Variants in TENM3 observed in about 807,000 individuals in gnomAD.
TENM3 encodes teneurin-3.
TENM3 carries 63 observed loss-of-function variants against 255.1 expected under a neutral mutation model. That is an observed-to-expected ratio of 0.25 (90% CI 0.20 to 0.30). The LOEUF (loss-of-function observed/expected upper bound fraction) is 0.30. Among genes scored for constraint, TENM3 ranks in the 10% least tolerant of loss-of-function variants. The pLI, the probability that TENM3 is intolerant of heterozygous loss-of-function variation, is 1.00. For synonymous variants in TENM3, 1,306 were observed against 1,322.3 expected, an observed-to-expected ratio of 0.99 and a Z score of 0.27; for missense variants, 2,929 against 3,461.1, an observed-to-expected ratio of 0.85 and a Z score of 3.86.
At chr4:182,689,374 T>G (rs1371049113) in intron 12 of TENM3, among the ~76,000 whole-genome samples, 1 of 152,194 alleles carries the variant, frequency 6.6e-6, no homozygotes, top group Non-Finnish European at 1.5e-5. Flanking sequence ...CCGGGAACTT[T>G]GTCATGGGAA....
At chr4:181,448,154 A>ATTTTTTTTTTTTTTTTTTTTTT in the TENM3 span, among the ~76,000 whole-genome samples, 1 of 90,124 alleles carries the variant, frequency 1.1e-5, no homozygotes, top group African/African-American at 4.8e-5. Context: ...AAATCCAGTA[A>ATTTTTTTTTTTTTTTTTTTTTT]TTTTTTTTTT....
At chr4:182,732,116 A>G (rs1192560487) in intron 16 of TENM3, among the ~76,000 whole-genome samples, 4 of 152,280 alleles carry the variant, frequency 2.6e-5, no homozygotes, top group African/African-American at 9.6e-5. Flanking sequence ...CTCAAACAAA[A>G]TACTTTTTCT....
At chr4:181,675,156 A>T in the TENM3 span, among the ~76,000 whole-genome samples, 6 of 152,172 alleles carry the variant, frequency 3.9e-5, no homozygotes, top group African/African-American at 1.4e-4. Flanking sequence ...TCTCAGAAAT[A>T]TTATCAAATC....
At chr4:181,757,565 A>G in the TENM3 span, among the ~76,000 whole-genome samples, 7 of 152,192 alleles carry the variant, frequency 4.6e-5, no homozygotes, top group Non-Finnish European at 1.0e-4. Flanking sequence ...AAGAAAGCTC[A>G]TCTGAAAGTC....
intron 24 of TENM3, among the ~76,000 whole-genome samples, chr4:182,788,383 C>T (rs17074066): frequency 0.13 from 19,661 of 152,176 alleles, 1,589 homozygotes; most frequent in East Asian, 0.26. Flanking sequence ...CAGATTTAGT[C>T]CAAGGCTCTG....
the TENM3 span, among the ~76,000 whole-genome samples, chr4:181,847,831 A>G: frequency 6.6e-6 from 1 of 152,136 alleles, no homozygotes; most frequent in Admixed American, 6.6e-5. Context: ...ATTATTTATA[A>G]ATAACTTGAA....
chr4:181,823,137 T>A, the TENM3 span, among the ~76,000 whole-genome samples: 8 of 152,220 alleles, frequency 5.3e-5, no homozygotes, highest in African/African-American at 1.9e-4. Flanking sequence ...TGCTAAATGC[T>A]TCCATTGGAA....
the TENM3 span, among the ~76,000 whole-genome samples, chr4:182,075,361 G>T: frequency 5.7e-4 from 86 of 152,064 alleles, no homozygotes; most frequent in Non-Finnish European, 1.0e-3. Flanking sequence ...ACCACACCCT[G>T]CTAATTTTTT....
intron 2 of TENM3, among the ~76,000 whole-genome samples, chr4:182,341,344 C>G (rs914621335): frequency 1.3e-5 from 2 of 151,720 alleles, no homozygotes; most frequent in African/African-American, 4.8e-5. Context: ...TCTAAATGAC[C>G]CATTATAACA....
intron 3 of TENM3, among the ~76,000 whole-genome samples, chr4:182,476,989 A>T (rs906775634): frequency 6.6e-6 from 1 of 152,246 alleles, no homozygotes; most frequent in Admixed American, 6.5e-5. Context: ...GCCAGAGGAC[A>T]GCCGCTATCT....
At chr4:182,479,740 A>G (rs927949249) in intron 3 of TENM3, among the ~76,000 whole-genome samples, 4 of 152,004 alleles carry the variant, frequency 2.6e-5, no homozygotes, top group East Asian at 1.9e-4. Context: ...TTTCCATTCT[A>G]TGGAGAATTC....
At chr4:181,849,949 T>TCTCTCTCACA in the TENM3 span, among the ~76,000 whole-genome samples, 1,413 of 65,956 alleles carry the variant, frequency 0.021, 31 homozygotes, top group Non-Finnish European at 0.03. Flanking sequence ...TCTCTCTCTC[T>TCTCTCTCACA]CACACACACA....
At position 182,299,093 on chromosome 4, in the gene TENM3, C is replaced by A. The variant is rs1432028952; in HGVS notation, c.-75-24853C>A. 5.4e-5 allele frequency among the ~76,000 whole-genome samples: 8 copies of A among 147,562 alleles called. No individual in the cohort carries two copies. In the Admixed American group the frequency reaches 5.4e-4, roughly 10 times the overall value. On this transcript the variant is annotated intron_variant, in intron 1 of 27. Transcript: ENST00000511685. ...CAGAGGTAGGAGAGTTGTGAAACCA[C>A]TGGCTGGGGCTTACTGAGGACTGAA...
At chr4:181,451,112 T>C in the TENM3 span, among the ~76,000 whole-genome samples, 1 of 152,090 alleles carries the variant, frequency 6.6e-6, no homozygotes, top group East Asian at 1.9e-4. Context: ...ACCATCATTA[T>C]AGAGGGTAGG....
intron 1 of TENM3, among the ~76,000 whole-genome samples, chr4:182,321,233 G>A (rs1914049): frequency 0.17 from 25,764 of 152,056 alleles, 2,381 homozygotes; most frequent in Middle Eastern, 0.24. Context: ...CTGACTAAAT[G>A]TATGCCCCAT....
chr4:182,150,282 A>G (rs1231648315), intron 1 of TENM3, among the ~76,000 whole-genome samples: 1 of 151,870 alleles, frequency 6.6e-6, no homozygotes, highest in Non-Finnish European at 1.5e-5. Context: ...AGGAAATTGA[A>G]TATCTTTTAT....
intron 6 of TENM3, 118 bp downstream of exon 6, chr4:182,654,011 A>G: frequency 1.1e-6 from 1 of 942,544 alleles, no homozygotes; most frequent in Admixed American, 3.7e-5. Context: ...TCGAAATTAC[A>G]GATATCATCT....
chr4:182,770,197 G>A (rs1005143555), intron 22 of TENM3, among the ~76,000 whole-genome samples: 9 of 151,670 alleles, frequency 5.9e-5, no homozygotes, highest in Non-Finnish European at 1.2e-4. Flanking sequence ...CTTATGAAAC[G>A]ATGGGAGTAA....
At chr4:182,389,691 CTT>C (rs3072378) in intron 3 of TENM3, among the ~76,000 whole-genome samples, 4 of 133,194 alleles carry the variant, frequency 3.0e-5, no homozygotes, top group African/African-American at 1.1e-4. Flanking sequence ...GTAGATGACT[CTT>C]TTTTTTTTTT....
Sources: gnomAD v4.1 joint callset for allele counts (sites outside exome capture counted in the v4.1 genomes callset) on GRCh38, gnomAD v4.1.1 for gene constraint, MANE v1.5 for transcripts, NCBI Gene and HGNC (gene_info 2026-07-23, HGNC 2026-07-21) for gene names.